The following ENOX1 variants were observed in gnomAD, a reference collection of about 807,000 sequenced individuals.
ENOX1 encodes candidate growth-related and time keeping constitutive hydroquinone (NADH) oxidase.
In ENOX1, 42 loss-of-function variants were observed where a neutral mutation model predicts 82.5. That is an observed-to-expected ratio of 0.51 (90% CI 0.40 to 0.66). The LOEUF is 0.66. ENOX1 is among the 30% of genes least tolerant of loss of function. The pLI, the probability that ENOX1 is intolerant of heterozygous loss-of-function variation, is 0.00. For missense variants in ENOX1, 608 were observed against 811.6 expected (o/e 0.75, Z 3.05); for synonymous variants, 271 against 282.2 (o/e 0.96, Z 0.40).
chr13:43,673,946 T>C (rs1323194490), intron 1 of ENOX1, among the ~76,000 whole-genome samples: 6 of 152,180 alleles, frequency 3.9e-5, no homozygotes, highest in Admixed American at 3.9e-4. Flanking sequence ...CCACCAAGGC[T>C]ACCAAACTGC....
At chr13:43,397,220 C>T (rs1309012827) in intron 5 of ENOX1, among the ~76,000 whole-genome samples, 1 of 152,246 alleles carries the variant, frequency 6.6e-6, no homozygotes, top group East Asian at 1.9e-4. Flanking sequence ...CTTTTTCCTA[C>T]CCATGACTAG....
chr13:43,427,581 T>C (rs1407812261), intron 3 of ENOX1, among the ~76,000 whole-genome samples: 1 of 152,314 alleles, frequency 6.6e-6, no homozygotes, highest in East Asian at 1.9e-4. Context: ...GTTAGTTCCA[T>C]CCCTGGGGGT....
chr13:43,713,446 T>G (rs1261238562), intron 1 of ENOX1, among the ~76,000 whole-genome samples: 1 of 152,052 alleles, frequency 6.6e-6, no homozygotes, highest in South Asian at 2.1e-4. Context: ...TTAGGGAGGA[T>G]TCCCTTTTTT....
intron 2 of ENOX1, among the ~76,000 whole-genome samples, chr13:43,633,672 A>G (rs2083303792): frequency 7.6e-6 from 1 of 130,740 alleles, no homozygotes; most frequent in Non-Finnish European, 1.6e-5. Flanking sequence ...TGCTATTTAC[A>G]TTTTAAAATG....
intron 2 of ENOX1, among the ~76,000 whole-genome samples, chr13:43,485,446 G>A (rs1291480167): frequency 6.6e-6 from 1 of 152,208 alleles, no homozygotes; most frequent in Admixed American, 6.5e-5. Context: ...GATGGAGCCA[G>A]GAAGGTCATG....
chr13:43,286,704 T>C (rs1411588523), intron 12 of ENOX1, among the ~76,000 whole-genome samples: 1 of 152,206 alleles, frequency 6.6e-6, no homozygotes, highest in African/African-American at 2.4e-5. Flanking sequence ...AAGCCTCTCA[T>C]AGTTAAATTT....
At chr13:43,510,786 T>C (rs1388580633) in intron 2 of ENOX1, among the ~76,000 whole-genome samples, 3 of 152,114 alleles carry the variant, frequency 2.0e-5, no homozygotes, top group African/African-American at 4.8e-5. Context: ...TTTCCTTATA[T>C]GTAATTTGGG....
Position 43,361,709 on chromosome 13 carries a change from AT to A in ENOX1, c.209-258del, listed in dbSNP as rs2050521430. Among the ~76,000 whole-genome samples, 5 of 152,348 alleles carry A rather than the reference AT, an allele frequency of 3.3e-5. No homozygotes were observed. In the South Asian group the frequency reaches 6.2e-4, roughly 19 times the overall value. ...GGCAGAAAGAACACAGCATATTAAAATGTAAAAGCATGCACCATGAAGCTTC... is the reference window on the plus strand; with the variant it reads ...GGCAGAAAGAACACAGCATATTAAAAGTAAAAGCATGCACCATGAAGCTTC... On this transcript the variant is annotated intron_variant, in intron 5 of 16. Transcript: ENST00000690772.
At chr13:43,510,130 T>C (rs2077313455) in intron 2 of ENOX1, among the ~76,000 whole-genome samples, 1 of 151,992 alleles carries the variant, frequency 6.6e-6, no homozygotes, top group South Asian at 2.1e-4. Context: ...AAGAATAATC[T>C]ATAAATATTA....
intron 14 of ENOX1, among the ~76,000 whole-genome samples, chr13:43,257,585 G>A (rs2043822045): frequency 6.6e-6 from 1 of 152,074 alleles, no homozygotes; most frequent in Non-Finnish European, 1.5e-5. Flanking sequence ...ACAAAGAAGT[G>A]GAAACTGATT....
intron 5 of ENOX1, among the ~76,000 whole-genome samples, chr13:43,375,516 C>T (rs938307384): frequency 1.3e-5 from 2 of 152,200 alleles, no homozygotes; most frequent in African/African-American, 4.8e-5. Flanking sequence ...GGATCCCTGG[C>T]CCTAAGGTGC....
chr13:43,633,051 C>T (rs971979787), intron 2 of ENOX1, among the ~76,000 whole-genome samples: 2 of 152,060 alleles, frequency 1.3e-5, no homozygotes, highest in Non-Finnish European at 1.5e-5. Flanking sequence ...AAATGACTTT[C>T]GATTTGACAA....
chr13:43,481,283 G>A (rs1032122657), intron 3 of ENOX1, among the ~76,000 whole-genome samples: 2 of 152,030 alleles, frequency 1.3e-5, no homozygotes, highest in Non-Finnish European at 2.9e-5. Context: ...ACAATAGTCA[G>A]AATGGCATGG....
intron 1 of ENOX1, among the ~76,000 whole-genome samples, chr13:43,743,295 C>G (rs888020670): frequency 5.9e-5 from 9 of 152,128 alleles, no homozygotes; most frequent in Non-Finnish European, 1.2e-4. Flanking sequence ...AAATAATTAA[C>G]TGTGAGAACT....
chr13:43,385,828 T>C (rs1303633077), intron 5 of ENOX1, among the ~76,000 whole-genome samples: 1 of 152,234 alleles, frequency 6.6e-6, no homozygotes, highest in African/African-American at 2.4e-5. Flanking sequence ...TGCTCATTTA[T>C]ACCTTTGTGT....
intron 3 of ENOX1, among the ~76,000 whole-genome samples, chr13:43,467,661 A>T (rs1340803327): frequency 6.6e-6 from 1 of 152,028 alleles, no homozygotes; most frequent in Admixed American, 6.6e-5. Context: ...TAAAATTTTG[A>T]TAAAGTCTGA....
intron 2 of ENOX1, among the ~76,000 whole-genome samples, chr13:43,619,030 T>C (rs1304972514): frequency 6.6e-6 from 1 of 151,652 alleles, no homozygotes; most frequent in Non-Finnish European, 1.5e-5. Flanking sequence ...AGTTCTTGAT[T>C]TGATTTTCTA....
chr13:43,259,328 A>T (rs2043925093), intron 14 of ENOX1, among the ~76,000 whole-genome samples: 1 of 152,172 alleles, frequency 6.6e-6, no homozygotes, highest in African/African-American at 2.4e-5. Flanking sequence ...GTGTGGGGAC[A>T]CAAATGAGGT....
At chr13:43,430,465 A>G (rs1290318204) in intron 3 of ENOX1, among the ~76,000 whole-genome samples, 1 of 152,040 alleles carries the variant, frequency 6.6e-6, no homozygotes, top group African/African-American at 2.4e-5. Context: ...TCTTTTCTTT[A>G]TTCCCTCTTT....
Sources: allele counts gnomAD v4.1 joint callset (sites outside exome capture counted in the v4.1 genomes callset), GRCh38; gene constraint gnomAD v4.1.1; transcripts MANE v1.5; gene names NCBI Gene and HGNC (gene_info 2026-07-23, HGNC 2026-07-21).